CALN1: variants seen among roughly 807,000 people sequenced by gnomAD.
The protein encoded by CALN1 is calneuron 1, also known as calcium-binding protein 8.
Under a neutral mutation model 30.6 loss-of-function variants are expected in CALN1, and 17 were observed. The observed-to-expected ratio is 0.56, with a 90% CI of 0.38 to 0.83. The LOEUF (loss-of-function observed/expected upper bound fraction) is 0.83. Ranked by LOEUF, CALN1 falls within the 40% of genes least tolerant of loss-of-function variation. The pLI, the probability that CALN1 is intolerant of heterozygous loss-of-function variation, is 0.00. For synonymous variants in CALN1, 156 were observed against 131.4 expected (o/e 1.19, Z -1.28); for missense variants, 291 against 354.9 (o/e 0.82, Z 1.45).
intron 3 of CALN1, among the ~76,000 whole-genome samples, chr7:72,115,172 ATAG>A (rs1807883197): frequency 7.5e-6 from 1 of 133,274 alleles, no homozygotes; most frequent in Non-Finnish European, 1.5e-5. Flanking sequence ...TATATACTGT[ATAG>A]TATATATTAT....
intron 5 of CALN1, among the ~76,000 whole-genome samples, chr7:71,868,467 G>A (rs1202396391): frequency 6.6e-6 from 1 of 151,678 alleles, no homozygotes; most frequent in Non-Finnish European, 1.5e-5. Flanking sequence ...CGCCTCCTGG[G>A]TTCAAGCAAT....
At chr7:71,965,103 C>G (rs956283379) in intron 5 of CALN1, among the ~76,000 whole-genome samples, 1 of 152,184 alleles carries the variant, frequency 6.6e-6, no homozygotes, top group South Asian at 2.1e-4. Context: ...TCGTAGCTCA[C>G]TGCAGCCTCT....
chr7:72,374,238 T>C (rs1373431943), intron 2 of CALN1, among the ~76,000 whole-genome samples: 1 of 152,150 alleles, frequency 6.6e-6, no homozygotes, highest in Admixed American at 6.5e-5. Flanking sequence ...TCTATTGAAA[T>C]GTTTAGCAGG....
At chr7:72,290,668 A>G (rs1055580463) in intron 2 of CALN1, among the ~76,000 whole-genome samples, 7 of 152,160 alleles carry the variant, frequency 4.6e-5, no homozygotes, top group African/African-American at 1.7e-4. Flanking sequence ...CATATTCTTT[A>G]AACTCTTTTT....
intron 2 of CALN1, among the ~76,000 whole-genome samples, chr7:72,339,928 G>A (rs972528692): frequency 3.3e-5 from 5 of 152,122 alleles, no homozygotes. Context: ...ATGAGATTTG[G>A]GTGGGGACAC....
In CALN1 at chr7:72,393,022, C is replaced by G. The variant is rs146314689; in HGVS notation, c.119+10229G>C. 2.6e-5 allele frequency among the ~76,000 whole-genome samples: 4 copies of G among 152,016 alleles called. No homozygotes were observed. In the East Asian group the frequency reaches 5.8e-4, roughly 22 times the overall value. On this transcript the variant is annotated intron_variant, in intron 2 of 6. Transcript: ENST00000395275. ...CTTAAAAAAAAAATTAATACAAACA[C>G]CAGGAGTGTGTTAGATGAATTCAGT... is the stretch of plus-strand genomic sequence containing the variant.
At chr7:71,851,895 G>A (rs918640483) in intron 5 of CALN1, among the ~76,000 whole-genome samples, 2 of 152,142 alleles carry the variant, frequency 1.3e-5, no homozygotes, top group South Asian at 4.1e-4. Context: ...AGTTAATTAA[G>A]GGAGAGCTCA....
At chr7:72,323,284 T>C (rs1453850107) in intron 2 of CALN1, among the ~76,000 whole-genome samples, 1 of 151,992 alleles carries the variant, frequency 6.6e-6, no homozygotes, top group African/African-American at 2.4e-5. Context: ...CTACCAGGCA[T>C]CTCATGAAAA....
chr7:71,896,957 C>T (rs1793564183), intron 5 of CALN1, among the ~76,000 whole-genome samples: 1 of 152,132 alleles, frequency 6.6e-6, no homozygotes, highest in South Asian at 2.1e-4. Flanking sequence ...GAGGTTTTCC[C>T]TATATTCTAC....
At chr7:72,184,888 A>G (rs533869523) in intron 3 of CALN1, among the ~76,000 whole-genome samples, 1 of 151,796 alleles carries the variant, frequency 6.6e-6, no homozygotes, top group Non-Finnish European at 1.5e-5. Flanking sequence ...GAACTCCTGG[A>G]CTCAAGTGAT....
At chr7:72,474,109 C>T in the CALN1 span, among the ~76,000 whole-genome samples, 7 of 152,202 alleles carry the variant, frequency 4.6e-5, 1 homozygote, top group African/African-American at 1.7e-4. Flanking sequence ...ATCACTTCTA[C>T]CAGCAGAAAT....
At chr7:72,267,517 T>C (rs1796677021) in intron 3 of CALN1, among the ~76,000 whole-genome samples, 2 of 152,176 alleles carry the variant, frequency 1.3e-5, no homozygotes, top group African/African-American at 2.4e-5. Context: ...ATATATGTGA[T>C]GGTGACATGA....
At chr7:72,477,204 G>A in the CALN1 span, among the ~76,000 whole-genome samples, 1 of 130,636 alleles carries the variant, frequency 7.7e-6, no homozygotes, top group Non-Finnish European at 1.6e-5. Flanking sequence ...GAGCAAGACT[G>A]TCTCAACAAA....
chr7:71,825,476 ATGAAGACATACC>A (rs372043849), intron 5 of CALN1, among the ~76,000 whole-genome samples: 1 of 152,218 alleles, frequency 6.6e-6, no homozygotes, highest in African/African-American at 2.4e-5. Context: ...TGTTCTTCTA[ATGAAGACATACC>A]TGAGACTAGG....
chr7:72,141,584 T>TC (rs1285588721), intron 3 of CALN1, among the ~76,000 whole-genome samples: 1 of 152,058 alleles, frequency 6.6e-6, no homozygotes, highest in African/African-American at 2.4e-5. Flanking sequence ...ATTTTTTTTT[T>TC]CAAGACGGAG....
chr7:71,834,924 T>C (rs1157122498), intron 5 of CALN1, among the ~76,000 whole-genome samples: 2 of 152,190 alleles, frequency 1.3e-5, no homozygotes, highest in African/African-American at 4.8e-5. Flanking sequence ...CTCAAACTCC[T>C]GGGCTCAGGC....
At chr7:72,386,965 G>A (rs1218838763) in intron 2 of CALN1, among the ~76,000 whole-genome samples, 2 of 151,324 alleles carry the variant, frequency 1.3e-5, no homozygotes, top group Admixed American at 6.6e-5. Context: ...TCAGCTGAGG[G>A]GACCTAGAAA....
chr7:72,176,914 G>C (rs1430395429), intron 3 of CALN1, among the ~76,000 whole-genome samples: 3 of 152,096 alleles, frequency 2.0e-5, no homozygotes, highest in Non-Finnish European at 2.9e-5. Context: ...TTTTAGGCTT[G>C]CTCCCTTCCA....
intron 5 of CALN1, among the ~76,000 whole-genome samples, chr7:71,900,999 A>T (rs61202888): frequency 6.6e-6 from 1 of 152,006 alleles, no homozygotes; most frequent in Non-Finnish European, 1.5e-5. Flanking sequence ...AGTTTCCCCA[A>T]TGCCAGTCAG....
Sources: allele counts gnomAD v4.1 joint callset (sites outside exome capture counted in the v4.1 genomes callset), GRCh38; gene constraint gnomAD v4.1.1; transcripts MANE v1.5; gene names NCBI Gene and HGNC (gene_info 2026-07-23, HGNC 2026-07-21).